SPATA9: variants seen among roughly 807,000 people sequenced by gnomAD.
SPATA9 encodes spermatogenesis associated 9, also known as spermatogenesis-associated protein 9.
A neutral mutation model predicts 25.5 loss-of-function variants in SPATA9; 27 were observed. The ratio of observed to expected loss-of-function variants is 1.06; its 90% CI spans 0.78 to 1.46. SPATA9 has a LOEUF of 1.46. Among genes scored for constraint, SPATA9 ranks in the 40% most tolerant of loss-of-function variants. The probability of loss-of-function intolerance (pLI) is 0.00; values close to 1 mark genes in which losing one functional copy is unlikely to be tolerated. For synonymous variants in SPATA9, 102 were observed against 105.7 expected, an observed-to-expected ratio of 0.97 and a Z score of 0.21; for missense variants, 282 against 297.5, an observed-to-expected ratio of 0.95 and a Z score of 0.38.
chr5:95,712,022 A>C, the SPATA9 span, among the ~76,000 whole-genome samples: 2 of 152,168 alleles, frequency 1.3e-5, no homozygotes, highest in Non-Finnish European at 2.9e-5. Context: ...AGAAACCAAG[A>C]GAAAAATTTT....
rs140572936 is a variant in SPATA9 at position 95,689,420 on chromosome 5, C to A, written n.124+9168G>T. 9.5e-3 allele frequency among the ~76,000 whole-genome samples: 1,441 copies of A among 152,182 alleles called. 22 individuals are homozygous for A. The highest frequency in any genetic ancestry group is 0.033 in the African/African-American group (1,360 of 41,524). Reference sequence around the variant, plus strand: ...AAAAGAATATACATGTAAACAATTTCAAAATACTTATTTTTAAAAAGGAAT... The same window carrying A: ...AAAAGAATATACATGTAAACAATTTAAAAATACTTATTTTTAAAAAGGAAT... On this transcript the variant is annotated intron_variant and non_coding_transcript_variant, in intron 1 of 2. Transcript: ENST00000379990.
Position 95,675,558 on chromosome 5 carries a change from C to T in SPATA9, c.232G>A (p.Gly78Arg). The T allele has an allele frequency of 1.2e-6, 2 of 1,614,116 alleles. No homozygotes were observed. Among genetic ancestry groups the T allele is most frequent in the East Asian group, 2.2e-5 (1 of 44,890 alleles). The change falls in exon 3 of 5, where the codon GGA becomes AGA. Residue 78 changes from glycine (G) to arginine (R), a missense_variant. Gly to Arg is a moderately radical substitution (Grantham distance 125, BLOSUM62 -2). Coordinates refer to ENST00000274432, the MANE Select transcript of SPATA9 (RefSeq NM_031952.4). ...GAGGATCTGGATATGCTGTTTAATC[C>T]ACGAATTAATGTTGCTCGATTAATC... ...AKINRATLIR[G>R]LNSISRSSKS...
the SPATA9 span, among the ~76,000 whole-genome samples, chr5:95,706,234 C>G: frequency 6.6e-6 from 1 of 151,790 alleles, no homozygotes; most frequent in Non-Finnish European, 1.5e-5. Context: ...TGTGTCCCCA[C>G]CCAAATCTCA....
intron 1 of SPATA9, among the ~76,000 whole-genome samples, chr5:95,694,709 T>A (rs544558710): frequency 3.8e-4 from 58 of 152,312 alleles, no homozygotes; most frequent in African/African-American, 1.3e-3. Context: ...AAAATAATTC[T>A]TACATGTGAA....
chr5:95,675,727 A>T, intron 2 of SPATA9, 88 bp from the exon 3 acceptor site: 1 of 1,017,788 alleles, frequency 9.8e-7, no homozygotes, highest in Non-Finnish European at 1.5e-6. Context: ...CTACTATATA[A>T]CTACATTGTG....
At position 95,682,782 on chromosome 5, in the gene SPATA9, G is replaced by T; in HGVS notation, c.61+12C>A. 6.5e-7 allele frequency: 1 copy of T among 1,544,044 alleles called. No homozygotes were observed. Among genetic ancestry groups the T allele is most frequent in the Non-Finnish European group, 8.7e-7 (1 of 1,150,042 alleles). On this transcript the variant is annotated intron_variant, in intron 1 of 4. Coordinates refer to ENST00000274432, the MANE Select transcript of SPATA9 (RefSeq NM_031952.4). ...CACACCCATACGCCCTTTACAACAA[G>T]ATTGTGTATACTTCTTCCAGAAAAG...
At chr5:95,656,168 C>T, downstream of SPATA9, 2 of 1,614,052 alleles carry the variant, frequency 1.2e-6, no homozygotes, top group Non-Finnish European at 8.5e-7. Flanking sequence ...CCAAGTGGTG[C>T]TCCAAAGGAA....
intron 3 of SPATA9, among the ~76,000 whole-genome samples, chr5:95,673,622 A>G (rs1162346701): frequency 6.6e-6 from 1 of 152,234 alleles, no homozygotes; most frequent in African/African-American, 2.4e-5. Context: ...AGGTTTGACA[A>G]TGCAAGGAAA....
the SPATA9 span, among the ~76,000 whole-genome samples, chr5:95,715,896 T>C: frequency 6.6e-6 from 1 of 152,214 alleles, no homozygotes; most frequent in Non-Finnish European, 1.5e-5. Context: ...CCACTCAATG[T>C]AAAATACGGA....
intron 1 of SPATA9, among the ~76,000 whole-genome samples, chr5:95,689,086 A>G (rs552937907): frequency 3.3e-5 from 5 of 152,196 alleles, no homozygotes; most frequent in Non-Finnish European, 7.4e-5. Flanking sequence ...TCTCCACAAA[A>G]CACTGCATTT....
intron 4 of SPATA9, among the ~76,000 whole-genome samples, chr5:95,661,587 T>C (rs1413289468): frequency 6.6e-6 from 1 of 152,214 alleles, no homozygotes; most frequent in Non-Finnish European, 1.5e-5. Context: ...CCTGTTCATT[T>C]TGTGCAATGT....
At chr5:95,660,293 G>A (rs1460848796) in intron 4 of SPATA9, among the ~76,000 whole-genome samples, 2 of 152,074 alleles carry the variant, frequency 1.3e-5, no homozygotes, top group African/African-American at 4.8e-5. Flanking sequence ...CATTCATGAG[G>A]ACTCTGCTCT....
At chr5:95,687,347 G>A (rs921003209), upstream of SPATA9, among the ~76,000 whole-genome samples, 1 of 152,214 alleles carries the variant, frequency 6.6e-6, no homozygotes, top group Non-Finnish European at 1.5e-5. Context: ...TGGGTCACAA[G>A]AGAAAATGTT....
rs927986384 is a variant in SPATA9 at position 95,692,128 on chromosome 5, T to C, written n.124+6460A>G. ...TTCATAAGTGAGATTGGTCTATGGC[T>C]TTTTTTTGTACTTAACAGATTGGTA... On this transcript the variant is annotated intron_variant and non_coding_transcript_variant, in intron 1 of 2. Coordinates refer to the SPATA9 transcript ENST00000379990. 2.0e-5 allele frequency among the ~76,000 whole-genome samples: 3 copies of C among 148,034 alleles called. No homozygotes were observed. In the Middle Eastern group the frequency reaches 0.01, roughly 510 times the overall value.
At chr5:95,661,261 C>T (rs73149622) in intron 4 of SPATA9, among the ~76,000 whole-genome samples, 3,287 of 152,012 alleles carry the variant, frequency 0.022, 123 homozygotes, top group African/African-American at 0.076. Flanking sequence ...CAAATGGATT[C>T]TTTTTTAGCT....
upstream of SPATA9, among the ~76,000 whole-genome samples, chr5:95,700,665 G>A (rs1308256916): frequency 1.3e-5 from 2 of 152,048 alleles, no homozygotes; most frequent in African/African-American, 4.8e-5. Context: ...TGGCCTCAGC[G>A]ATCTGCCCAC....
chr5:95,698,557 T>C (rs1287764262), intron 1 of SPATA9: 2 of 152,150 alleles, frequency 1.3e-5, no homozygotes, highest in African/African-American at 4.8e-5. Flanking sequence ...GTCATAACCA[T>C]GCAGTTAAGT....
At chr5:95,659,082 T>C (rs1326007734) in intron 4 of SPATA9, among the ~76,000 whole-genome samples, 169 bp from the exon 5 acceptor site, 1 of 152,178 alleles carries the variant, frequency 6.6e-6, no homozygotes, top group Non-Finnish European at 1.5e-5. Context: ...CATTGGGAGA[T>C]TGTTCTAAAT....
upstream of SPATA9, among the ~76,000 whole-genome samples, chr5:95,700,109 T>TG (rs1754139680): frequency 6.6e-6 from 1 of 151,566 alleles, no homozygotes; most frequent in Admixed American, 6.6e-5. Context: ...ATCAAAGGGG[T>TG]GAAAGCTAAA....
Sources: allele counts gnomAD v4.1 joint callset (sites outside exome capture counted in the v4.1 genomes callset), GRCh38; gene constraint gnomAD v4.1.1; transcripts MANE v1.5; gene names NCBI Gene and HGNC (gene_info 2026-07-23, HGNC 2026-07-21).